Variants in MSH4 observed in about 807,000 individuals in gnomAD.
MSH4 encodes mutS homolog 4, also known as mutS protein homolog 4.
MSH4 carries 106 observed loss-of-function variants against 113.7 expected under a neutral mutation model. The observed-to-expected ratio is 0.93, with a 90% CI of 0.80 to 1.10. The LOEUF is 1.10. Ranked by LOEUF, MSH4 falls within the 50% of genes least tolerant of loss-of-function variation. The probability of loss-of-function intolerance (pLI) is 0.00; values close to 1 mark genes in which losing one functional copy is unlikely to be tolerated. For missense variants in MSH4, 1,061 were observed against 1,093.7 expected (o/e 0.97, Z 0.42); for synonymous variants, 368 against 380.2 (o/e 0.97, Z 0.37).
chr1:75,839,473 C>T (rs1163230858), intron 7 of MSH4, among the ~76,000 whole-genome samples: 1 of 152,118 alleles, frequency 6.6e-6, no homozygotes, highest in Non-Finnish European at 1.5e-5. Flanking sequence ...CCTTGACCTC[C>T]CAAAGTGTTG....
chr1:75,822,474 G>A lies in MSH4; in HGVS notation c.1055G>A (p.Arg352His), dbSNP rs773223866. The A allele has an allele frequency of 2.5e-5, 39 of 1,586,854 alleles. No individual in the cohort carries two copies. Among genetic ancestry groups the A allele is most frequent in the African/African-American group, 2.1e-4 (15 of 72,862 alleles). The change falls in exon 7 of 20, where the codon CGT becomes CAT. Residue 352 changes from arginine to histidine, a missense_variant. By Grantham distance (29) the Arg-to-His change is conservative. Transcript: ENST00000263187. ...TKTPGGSRRL[R>H]SNILEPLVDI... The stretch of plus-strand genomic sequence containing the variant: ...ACTCCTGGAGGGAGTAGACGACTTC[G>A]TTCTAATATATTAGAGCCTCTAGTT...
intron 7 of MSH4, among the ~76,000 whole-genome samples, chr1:75,844,369 C>A (rs1301132016): frequency 6.6e-6 from 1 of 152,030 alleles, no homozygotes; most frequent in Non-Finnish European, 1.5e-5. Flanking sequence ...CTCTGTTGCC[C>A]AGGCTGGAGT....
Position 75,890,847 on chromosome 1 carries a change from T to C in MSH4, c.2355+23T>C, listed in dbSNP as rs1332111397. 2.0e-6 allele frequency: 3 copies of C among 1,497,954 alleles called. No homozygotes were observed. In the African/African-American group the frequency reaches 4.2e-5, roughly 21 times the overall value. The allele number at this position is 1,497,954 out of a possible 1,614,324, so 92.8% of individuals were successfully genotyped here. A position where few individuals can be genotyped will look rare whatever the true frequency, so the allele number is the denominator to read the frequency against. The stretch of plus-strand genomic sequence containing the variant: ...AAGGTATTCTTTTATTTTAAGTATA[T>C]TGATTTTGAGTCCTTCTTTATGTAT... On this transcript the variant is annotated intron_variant, in intron 17 of 19. Transcript: ENST00000263187.
chr1:75,828,670 A>G (rs1231506288), intron 7 of MSH4, among the ~76,000 whole-genome samples: 3 of 152,174 alleles, frequency 2.0e-5, no homozygotes, highest in African/African-American at 7.2e-5. Flanking sequence ...GGGGAGAGGA[A>G]TGGGGCAAGG....
rs571846946 is a variant in MSH4, at chr1:75,845,953, G to C, written c.1163-2256G>C. On this transcript the variant is annotated intron_variant, in intron 7 of 19. Transcript: ENST00000263187. The stretch of plus-strand genomic sequence containing the variant: ...CATGGCTTCATACCTATTGTATTCT[G>C]TGTGCCTGCAGAATTAGCACCATGT... 6.6e-5 allele frequency among the ~76,000 whole-genome samples: 10 copies of C among 152,284 alleles called. No homozygotes were observed. The South Asian group carries it at 2.1e-3, about 32-fold the overall frequency.
chr1:75,823,846 T>G (rs1650484775), intron 7 of MSH4, among the ~76,000 whole-genome samples: 1 of 152,212 alleles, frequency 6.6e-6, no homozygotes, highest in Admixed American at 6.5e-5. Flanking sequence ...ATGGTGTATA[T>G]GTGCCACATT....
intron 19 of MSH4, among the ~76,000 whole-genome samples, chr1:75,901,443 A>T (rs1652503780): frequency 1.3e-5 from 2 of 152,128 alleles, no homozygotes; most frequent in Admixed American, 1.3e-4. Flanking sequence ...TATTTCATTT[A>T]GCATAGTGAT....
At chr1:75,908,707 C>T (rs1052079487) in intron 19 of MSH4, among the ~76,000 whole-genome samples, 4 of 152,076 alleles carry the variant, frequency 2.6e-5, no homozygotes, top group African/African-American at 9.7e-5. Flanking sequence ...TTCAGTGTCT[C>T]GCTTGTTGGA....
intron 8 of MSH4, among the ~76,000 whole-genome samples, chr1:75,867,041 A>G (rs946187058): frequency 6.6e-6 from 1 of 152,168 alleles, no homozygotes; most frequent in Non-Finnish European, 1.5e-5. Flanking sequence ...GGCAAACTAT[A>G]ATTCCTAGTG....
At chr1:75,822,629 C>T in intron 7 of MSH4, 48 bp downstream of exon 7, 1 of 995,294 alleles carries the variant, frequency 1.0e-6, no homozygotes, top group Non-Finnish European at 1.4e-6. Context: ...TTGAAAAATA[C>T]AGTTGGCTTA....
chr1:75,880,349 AC>A (rs1651904289), intron 13 of MSH4, among the ~76,000 whole-genome samples, 196 bp downstream of exon 13: 1 of 152,142 alleles, frequency 6.6e-6, no homozygotes, highest in African/African-American at 2.4e-5. Flanking sequence ...GCAAACAAAT[AC>A]TTTTATAATT....
intron 9 of MSH4, among the ~76,000 whole-genome samples, chr1:75,875,507 T>C (rs1651800505): frequency 6.6e-6 from 1 of 152,106 alleles, no homozygotes; most frequent in African/African-American, 2.4e-5. Context: ...CAAAAACCAT[T>C]ATTAATGAAG....
chr1:75,857,235 A>G (rs140478064), intron 8 of MSH4, among the ~76,000 whole-genome samples: 114,538 of 152,078 alleles, frequency 0.75, 43,277 homozygotes, highest in East Asian at 0.98. Context: ...CCATTCTGTA[A>G]GTTGCCTATT....
At chr1:75,886,672 C>A (rs1652125959) in intron 15 of MSH4, among the ~76,000 whole-genome samples, 2 of 126,120 alleles carry the variant, frequency 1.6e-5, no homozygotes, top group African/African-American at 3.0e-5. Context: ...ATACATTATA[C>A]ATTATATACA....
intron 15 of MSH4, among the ~76,000 whole-genome samples, chr1:75,886,619 T>C (rs1469964281): frequency 1.5e-5 from 1 of 66,192 alleles, no homozygotes; most frequent in Non-Finnish European, 3.0e-5. Context: ...ATGTATAATA[T>C]ATAAATATAT....
intron 19 of MSH4, among the ~76,000 whole-genome samples, chr1:75,900,407 T>C (rs989197131): frequency 4.6e-5 from 7 of 152,130 alleles, no homozygotes; most frequent in African/African-American, 1.7e-4. Context: ...GTTTAAGCGA[T>C]TCTCCTGTCT....
chr1:75,809,263 G>C (rs1475965294), intron 3 of MSH4, among the ~76,000 whole-genome samples: 2 of 151,982 alleles, frequency 1.3e-5, no homozygotes, highest in African/African-American at 4.8e-5. Context: ...TATTTCAAGT[G>C]TTTCATTATT....
intron 6 of MSH4, among the ~76,000 whole-genome samples, chr1:75,819,669 A>C (rs1650365758): frequency 6.6e-6 from 1 of 152,202 alleles, no homozygotes; most frequent in Non-Finnish European, 1.5e-5. Context: ...TATTATATGA[A>C]GTTGTCTAAT....
At chr1:75,873,570 A>C (rs1339619976) in intron 9 of MSH4, among the ~76,000 whole-genome samples, 1 of 151,480 alleles carries the variant, frequency 6.6e-6, no homozygotes, top group Non-Finnish European at 1.5e-5. Flanking sequence ...CCCAACCTCC[A>C]CCCTCAAGCA....
Sources: allele counts gnomAD v4.1 joint callset (sites outside exome capture counted in the v4.1 genomes callset), GRCh38; gene constraint gnomAD v4.1.1; transcripts MANE v1.5; gene names NCBI Gene and HGNC (gene_info 2026-07-23, HGNC 2026-07-21).